Variants in IMMP2L observed in about 807,000 individuals in gnomAD.
The protein encoded by IMMP2L is inner mitochondrial membrane peptidase subunit 2, also known as mitochondrial inner membrane protease subunit 2.
In IMMP2L, 18 loss-of-function variants were observed where a neutral mutation model predicts 19.3. The observed-to-expected ratio is 0.93, with a 90% CI of 0.64 to 1.38. The LOEUF is 1.38. Ranked by LOEUF, IMMP2L falls within the 40% of genes most tolerant of loss-of-function variation. IMMP2L has a pLI of 0.00. For synonymous variants in IMMP2L, 76 were observed against 73.0 expected, an observed-to-expected ratio of 1.04 and a Z score of -0.21; for missense variants, 233 against 218.2, an observed-to-expected ratio of 1.07 and a Z score of -0.43.
Position 111,076,099 on chromosome 7 carries a change from C to G in IMMP2L, c.240-112534G>C, listed in dbSNP as rs182227922. 4.2e-3 allele frequency among the ~76,000 whole-genome samples: 635 copies of G among 152,192 alleles called. 6 individuals are homozygous for G. Among genetic ancestry groups the G allele is most frequent in the Non-Finnish European group, 6.7e-3 (457 of 68,016 alleles). ...AAAGTTTGGTTCTTCAAATAGCCCC[C>G]CTCATGATATTGGTGGGGAGGAGTC... On this transcript the variant is annotated intron_variant, in intron 3 of 5. Transcript: ENST00000405709.
intron 5 of IMMP2L, among the ~76,000 whole-genome samples, chr7:110,707,300 C>T (rs1480699670): frequency 2.0e-4 from 3 of 15,322 alleles, no homozygotes; most frequent in Non-Finnish European, 2.9e-4. Context: ...ATGATGGTTT[C>T]CAATTTCATC....
At chr7:110,693,938 A>G (rs1793687390) in intron 5 of IMMP2L, among the ~76,000 whole-genome samples, 1 of 152,142 alleles carries the variant, frequency 6.6e-6, no homozygotes, top group Non-Finnish European at 1.5e-5. Flanking sequence ...GTGGGAGGCC[A>G]TGTGTTGGTG....
chr7:110,739,626 A>G (rs1332567783), intron 5 of IMMP2L, among the ~76,000 whole-genome samples: 1 of 152,072 alleles, frequency 6.6e-6, no homozygotes, highest in African/African-American at 2.4e-5. Flanking sequence ...GGTCTTTAAT[A>G]CTCCACTGAC....
At chr7:111,454,333 G>A (rs1839493547) in intron 3 of IMMP2L, among the ~76,000 whole-genome samples, 1 of 151,834 alleles carries the variant, frequency 6.6e-6, no homozygotes, top group Non-Finnish European at 1.5e-5. Flanking sequence ...AAAATTCATG[G>A]GTAAAAATAA....
intron 3 of IMMP2L, among the ~76,000 whole-genome samples, chr7:111,042,805 C>A (rs1415877095): frequency 6.6e-6 from 1 of 152,080 alleles, no homozygotes; most frequent in Non-Finnish European, 1.5e-5. Flanking sequence ...TCCACAATAC[C>A]CTTTTCTTGA....
At chr7:110,869,296 T>C (rs539966081) in intron 5 of IMMP2L, among the ~76,000 whole-genome samples, 1 of 152,260 alleles carries the variant, frequency 6.6e-6, no homozygotes, top group East Asian at 1.9e-4. Flanking sequence ...CTGAAACTAA[T>C]TACATTTTTA....
chr7:111,444,564 T>TG (rs1420259912), intron 3 of IMMP2L, among the ~76,000 whole-genome samples: 1 of 152,184 alleles, frequency 6.6e-6, no homozygotes, highest in African/African-American at 2.4e-5. Flanking sequence ...AGTGTTGAAT[T>TG]TTTTTAAATT....
intron 3 of IMMP2L, among the ~76,000 whole-genome samples, chr7:111,235,470 TAA>T (rs78702981): frequency 7.1e-6 from 1 of 141,086 alleles, no homozygotes; most frequent in Non-Finnish European, 1.6e-5. Flanking sequence ...AAACTCCGTC[TAA>T]AAAAAAAAAA....
chr7:110,758,391 A>G lies in IMMP2L; in HGVS notation c.409-94670T>C, dbSNP rs768574074. On this transcript the variant is annotated intron_variant, in intron 5 of 5. Transcript: ENST00000405709. The surrounding 1 kb of genome is among the most constrained non-coding windows in gnomAD (Gnocchi z 4.6). ...GAGAGACAGAGATTTTAAAAAATAT[A>G]TAGGATAACAAACAGCACGTTAGTA... Among the ~76,000 whole-genome samples, 3 of 152,088 alleles carry G rather than the reference A, an allele frequency of 2.0e-5. No individual in the cohort carries two copies. The highest frequency in any genetic ancestry group is 4.4e-5 in the Non-Finnish European group (3 of 68,000).
intron 2 of IMMP2L, among the ~76,000 whole-genome samples, chr7:111,514,464 C>T (rs1845711949): frequency 6.6e-6 from 1 of 151,960 alleles, no homozygotes; most frequent in Admixed American, 6.6e-5. Context: ...CACATGTATA[C>T]ATATGTAACA....
At chr7:111,446,808 AAAAAAATTTAGAAGAATGTAT>A (rs1443196173) in intron 3 of IMMP2L, among the ~76,000 whole-genome samples, 62 of 152,094 alleles carry the variant, frequency 4.1e-4, no homozygotes, top group Admixed American at 2.2e-3. Flanking sequence ...GAAAACTTTG[AAAAAAATTTAGAAGAATGTAT>A]AACTAGAATA....
intron 5 of IMMP2L, among the ~76,000 whole-genome samples, chr7:110,800,719 G>T (rs7786578): frequency 0.8 from 122,293 of 152,014 alleles, 49,921 homozygotes; most frequent in South Asian, 0.89. Flanking sequence ...CAAAGGACAT[G>T]CGCACATTTT....
At chr7:111,263,752 A>G (rs972315256) in intron 3 of IMMP2L, among the ~76,000 whole-genome samples, 7 of 152,246 alleles carry the variant, frequency 4.6e-5, no homozygotes, top group African/African-American at 1.7e-4. Context: ...GAAGAGGAGT[A>G]AGCAAAGATG....
In IMMP2L at chr7:111,527,153, A is replaced by C. The variant is rs994794130; in HGVS notation, c.-2-5704T>G. 3.3e-5 allele frequency among the ~76,000 whole-genome samples: 5 copies of C among 151,980 alleles called. 1 individual carries two copies. The highest frequency in any genetic ancestry group is 4.2e-4 in the South Asian group (2 of 4,804). On this transcript the variant is annotated intron_variant, in intron 1 of 5. Transcript: ENST00000405709. ...CAAGTCACTTCTGGCCTGTTTCCTCATGTGTGACAAGAAGGGGCTTATTTG... is the reference window on the plus strand; with the variant it reads ...CAAGTCACTTCTGGCCTGTTTCCTCCTGTGTGACAAGAAGGGGCTTATTTG...
intron 1 of IMMP2L, among the ~76,000 whole-genome samples, chr7:111,546,036 C>T (rs1848901095): frequency 6.6e-6 from 1 of 152,076 alleles, no homozygotes; most frequent in African/African-American, 2.4e-5. Flanking sequence ...AAGATTATTA[C>T]ATTTCAGTAT....
rs146115466 is a variant in IMMP2L at position 111,487,253 on chromosome 7, T to A, written c.224A>T (p.Asp75Val). 20 of 1,557,584 alleles carry A rather than the reference T, an allele frequency of 1.3e-5. No homozygotes were observed. The highest frequency in any genetic ancestry group is 1.2e-5 in the Non-Finnish European group (14 of 1,129,074). Reference protein sequence around the residue: ...KVRNFEVHRGDIVSLVSPKNP... With the variant: ...KVRNFEVHRGVIVSLVSPKNP... Reference sequence around the variant, plus strand: ...AGTTACTTACACCAATGATACAATGTCACCACGGTGTACTTCAAAATTCCT... The same window carrying A: ...AGTTACTTACACCAATGATACAATGACACCACGGTGTACTTCAAAATTCCT... Residue 75 changes from aspartate to valine, a missense_variant, in exon 3 of 6, where the codon GAC becomes GTC. Transcript: ENST00000405709.
At chr7:111,453,404 C>T (rs1181647305) in intron 3 of IMMP2L, among the ~76,000 whole-genome samples, 1 of 152,058 alleles carries the variant, frequency 6.6e-6, no homozygotes, top group Non-Finnish European at 1.5e-5. Context: ...TCAGCACGGC[C>T]CTTCAAAAAC....
intron 4 of IMMP2L, among the ~76,000 whole-genome samples, chr7:110,936,814 G>T (rs259022): frequency 0.47 from 71,507 of 151,958 alleles, 17,448 homozygotes; most frequent in East Asian, 0.81. Context: ...TCCTATCAAT[G>T]ATAGACTAGA....
chr7:110,668,118 A>G (rs1450405798), intron 5 of IMMP2L, among the ~76,000 whole-genome samples: 1 of 151,878 alleles, frequency 6.6e-6, no homozygotes, highest in African/African-American at 2.4e-5. Context: ...TTTTTTTTAA[A>G]GTCTCCTCAC....
Sources: gnomAD v4.1 joint callset for allele counts (sites outside exome capture counted in the v4.1 genomes callset) on GRCh38, gnomAD v4.1.1 for gene constraint, Gnocchi (gnomAD v3.1) non-coding constraint, MANE v1.5 for transcripts, NCBI Gene and HGNC (gene_info 2026-07-23, HGNC 2026-07-21) for gene names.